Variants in RORA observed in about 807,000 individuals in gnomAD.
RORA encodes the protein nuclear receptor ROR-alpha.
A neutral mutation model predicts 69.5 loss-of-function variants in RORA; 7 were observed. The ratio of observed to expected loss-of-function variants is 0.10; its 90% CI spans 0.06 to 0.19. RORA has a LOEUF of 0.19. Among genes scored for constraint, RORA ranks in the 10% least tolerant of loss-of-function variants. RORA has a pLI of 1.00. For synonymous variants in RORA, 261 were observed against 240.8 expected, an observed-to-expected ratio of 1.08 and a Z score of -0.78; for missense variants, 457 against 663.0, an observed-to-expected ratio of 0.69 and a Z score of 3.41.
At chr15:60,561,069 T>G (rs1383996097) in intron 2 of RORA, among the ~76,000 whole-genome samples, 5 of 132,178 alleles carry the variant, frequency 3.8e-5, no homozygotes, top group African/African-American at 1.2e-4. Flanking sequence ...TTTTTTTTTT[T>G]TGTTTTGTTT....
chr15:60,613,946 GA>G (rs35116092), intron 2 of RORA, among the ~76,000 whole-genome samples: 23 of 143,294 alleles, frequency 1.6e-4, no homozygotes, highest in African/African-American at 3.0e-4. Context: ...GAAATTATGT[GA>G]AAAAAAAAAG....
chr15:61,183,533 CAAAAAAA>C (rs11392772), intron 1 of RORA, among the ~76,000 whole-genome samples: 1 of 130,696 alleles, frequency 7.7e-6, no homozygotes, highest in African/African-American at 3.0e-5. Flanking sequence ...GAGACTGTTT[CAAAAAAA>C]AAAAAAAAAG....
chr15:61,095,504 G>C (rs942299846), intron 1 of RORA, among the ~76,000 whole-genome samples: 1 of 152,204 alleles, frequency 6.6e-6, no homozygotes, highest in South Asian at 2.1e-4. Flanking sequence ...CTACCCATCT[G>C]AGGAATCTTG....
In RORA at chr15:60,644,964, C is replaced by T. The variant is rs75055227; in HGVS notation, c.196+33693G>A. On this transcript the variant is annotated intron_variant, in intron 2 of 10. Coordinates refer to ENST00000335670, the MANE Select transcript of RORA (RefSeq NM_134261.3). ...TAAAACAATAGGAAAAGGCAATCCTCCTCAAAGTACTATTTCGTTAACTGA... is the reference window on the plus strand; with the variant it reads ...TAAAACAATAGGAAAAGGCAATCCTTCTCAAAGTACTATTTCGTTAACTGA... 6.4e-3 allele frequency among the ~76,000 whole-genome samples: 968 copies of T among 152,218 alleles called. 10 individuals are homozygous for T. The highest frequency in any genetic ancestry group is 0.021 in the African/African-American group (882 of 41,526).
At chr15:60,925,150 TC>T (rs1892174480) in intron 1 of RORA, among the ~76,000 whole-genome samples, 2 of 146,152 alleles carry the variant, frequency 1.4e-5, no homozygotes, top group East Asian at 4.1e-4. Context: ...ATAAAGGTAC[TC>T]TAACAATTGA....
chr15:60,613,297 C>G (rs1365695851), intron 2 of RORA, among the ~76,000 whole-genome samples: 1 of 152,176 alleles, frequency 6.6e-6, no homozygotes, highest in East Asian at 1.9e-4. Context: ...AAAACCTTCT[C>G]TATTTCCTTC....
chr15:60,577,986 A>T (rs186376697), intron 2 of RORA, among the ~76,000 whole-genome samples: 4 of 152,312 alleles, frequency 2.6e-5, no homozygotes, highest in African/African-American at 9.6e-5. Context: ...CCTCACAAAG[A>T]TATGTAGCTA....
At chr15:61,112,426 G>A (rs2079015131) in intron 1 of RORA, among the ~76,000 whole-genome samples, 1 of 152,086 alleles carries the variant, frequency 6.6e-6, no homozygotes, top group African/African-American at 2.4e-5. Flanking sequence ...GAAGCGGAAA[G>A]CAATCTGAAA....
At chr15:60,722,464 G>T (rs1347529896) in intron 1 of RORA, among the ~76,000 whole-genome samples, 5 of 152,190 alleles carry the variant, frequency 3.3e-5, no homozygotes, top group Admixed American at 6.5e-5. Flanking sequence ...TATTTGTGTA[G>T]AGGACTTACG....
intron 2 of RORA, among the ~76,000 whole-genome samples, chr15:60,633,141 T>G (rs1201832758): frequency 6.6e-6 from 1 of 152,188 alleles, no homozygotes; most frequent in Non-Finnish European, 1.5e-5. Flanking sequence ...GGCTCTGAGA[T>G]CTGAGAATAT....
intron 1 of RORA, among the ~76,000 whole-genome samples, chr15:61,223,685 A>G (rs1252456813): frequency 1.3e-5 from 2 of 152,222 alleles, no homozygotes; most frequent in Non-Finnish European, 1.5e-5. Flanking sequence ...GAAAGATTCA[A>G]TTACATTCTC....
chr15:61,108,147 G>A lies in RORA; in HGVS notation c.166+120906C>T, dbSNP rs764238842. Among the ~76,000 whole-genome samples the A allele has an allele frequency of 5.3e-5, 8 of 152,252 alleles. No homozygotes were observed. In the South Asian group the frequency reaches 1.0e-3, roughly 20 times the overall value. On this transcript the variant is annotated intron_variant, in intron 1 of 10. Transcript: ENST00000335670. ...CCTCTGGTTCTATTCCAGAGAAGAT[G>A]TCCCTTCCAGGTTCTTGAAATTTCT...
intron 1 of RORA, among the ~76,000 whole-genome samples, chr15:60,885,003 C>A (rs1417018386): frequency 6.6e-6 from 1 of 152,204 alleles, no homozygotes; most frequent in Non-Finnish European, 1.5e-5. Context: ...ATAGCAAGCC[C>A]TGTCTTTAAA....
intron 1 of RORA, among the ~76,000 whole-genome samples, chr15:60,939,769 T>C (rs1892634417): frequency 6.6e-6 from 1 of 152,226 alleles, no homozygotes; most frequent in South Asian, 2.1e-4. Flanking sequence ...GCTAGCCCTG[T>C]ACCCCTGCAA....
At chr15:61,168,444 A>C (rs1019558809) in intron 1 of RORA, among the ~76,000 whole-genome samples, 16 of 152,228 alleles carry the variant, frequency 1.1e-4, no homozygotes, top group African/African-American at 3.1e-4. Flanking sequence ...TAATTAGTAG[A>C]GACAGGGTTT....
chr15:61,074,719 T>C (rs2140624273), intron 1 of RORA, among the ~76,000 whole-genome samples: 1 of 152,322 alleles, frequency 6.6e-6, no homozygotes, highest in South Asian at 2.1e-4. Flanking sequence ...GCTCCCATCT[T>C]TTGCTTCAGG....
At chr15:60,808,093 A>G (rs1380766683) in intron 1 of RORA, among the ~76,000 whole-genome samples, 1 of 152,238 alleles carries the variant, frequency 6.6e-6, no homozygotes, top group Non-Finnish European at 1.5e-5. Context: ...ATAAAATTAA[A>G]AAGCTTCTGC....
chr15:60,793,355 T>C (rs926261342), intron 1 of RORA, among the ~76,000 whole-genome samples: 2 of 152,302 alleles, frequency 1.3e-5, no homozygotes, highest in Non-Finnish European at 2.9e-5. Context: ...CCAACATCCT[T>C]TGGAGTCTCA....
At chr15:61,157,930 C>T (rs949161861) in intron 1 of RORA, among the ~76,000 whole-genome samples, 2 of 152,124 alleles carry the variant, frequency 1.3e-5, no homozygotes, top group Admixed American at 6.6e-5. Context: ...GCAACAGAGT[C>T]GGGCCTCTGA....
Sources: allele counts gnomAD v4.1 joint callset (sites outside exome capture counted in the v4.1 genomes callset), GRCh38; gene constraint gnomAD v4.1.1; transcripts MANE v1.5; gene names NCBI Gene and HGNC (gene_info 2026-07-23, HGNC 2026-07-21).